Variants in ANO1 observed in about 807,000 individuals in gnomAD.
ANO1 encodes the protein anoctamin 1, also known as anoctamin-1.
Under a neutral mutation model 124.0 loss-of-function variants are expected in ANO1, and 59 were observed. That is an observed-to-expected ratio of 0.48 (90% confidence interval 0.39 to 0.59). The LOEUF is 0.59. ANO1 is among the 20% of genes least tolerant of loss of function. ANO1 has a pLI of 0.00. For synonymous variants in ANO1, 529 were observed against 532.0 expected (o/e 0.99, Z 0.08); for missense variants, 1,059 against 1,328.0 (o/e 0.80, Z 3.15).
intron 1 of ANO1, among the ~76,000 whole-genome samples, chr11:69,988,351 G>T (rs995940823): frequency 6.6e-6 from 1 of 152,128 alleles, no homozygotes; most frequent in Non-Finnish European, 1.5e-5. Context: ...CAGCTTTGCC[G>T]CCTGCAGCCC....
intron 1 of ANO1, among the ~76,000 whole-genome samples, chr11:70,027,394 G>A (rs1856925813): frequency 6.6e-6 from 1 of 152,212 alleles, no homozygotes; most frequent in Non-Finnish European, 1.5e-5. Flanking sequence ...TACTGGAAGT[G>A]AAAAACAGAA....
chr11:70,147,883 G>A (rs1221806690), intron 11 of ANO1, among the ~76,000 whole-genome samples: 3 of 152,270 alleles, frequency 2.0e-5, no homozygotes, highest in East Asian at 1.9e-4. Context: ...ACCATCCCCC[G>A]TGTGGCTTCT....
intron 11 of ANO1, among the ~76,000 whole-genome samples, chr11:70,140,321 C>T (rs1010348898): frequency 3.0e-4 from 45 of 152,084 alleles, no homozygotes; most frequent in African/African-American, 1.0e-3. Context: ...CCTGAGGTCA[C>T]GAGTACAAGA....
chr11:69,989,839 G>A (rs559676304), intron 1 of ANO1, among the ~76,000 whole-genome samples: 1 of 152,280 alleles, frequency 6.6e-6, no homozygotes, highest in South Asian at 2.1e-4. Context: ...GAATGTAGGG[G>A]CTGAGAGCAG....
At chr11:69,986,030 C>T (rs1856033129) in exon 1 of ANO1, 1 of 152,182 alleles carries the variant, frequency 6.6e-6, no homozygotes, top group African/African-American at 2.4e-5. Context: ...CCGCCGCAGA[C>T]CTCCAGGGGT....
At chr11:70,037,015 C>T (rs1169206813) in intron 1 of ANO1, among the ~76,000 whole-genome samples, 1 of 152,198 alleles carries the variant, frequency 6.6e-6, no homozygotes, top group Non-Finnish European at 1.5e-5. Context: ...GACTGTCACT[C>T]AATAAACATG....
rs555930929 is a variant in ANO1, at chr11:70,189,468, T to C, written c.*1464T>C. The C allele has an allele frequency of 3.3e-5, 5 of 152,796 alleles. No homozygotes were observed. Among genetic ancestry groups the C allele is most frequent in the Admixed American group, 6.5e-5 (1 of 15,310 alleles). The allele number at this position is 152,796 out of a possible 1,614,324, so 9.5% of individuals were successfully genotyped here. Reference sequence around the variant, plus strand: ...GGAAACCATTTTTTTAAAAAGTGAATGTACACAAATCCACAGAGGACTGTG... The same window carrying C: ...GGAAACCATTTTTTTAAAAAGTGAACGTACACAAATCCACAGAGGACTGTG... On this transcript the variant is annotated 3_prime_UTR_variant, in exon 26 of 26. Coordinates refer to ENST00000355303, the MANE Select transcript of ANO1 (RefSeq NM_018043.7).
chr11:70,051,764 T>C (rs1857352648), intron 1 of ANO1, among the ~76,000 whole-genome samples: 1 of 152,278 alleles, frequency 6.6e-6, no homozygotes, highest in Admixed American at 6.5e-5. Flanking sequence ...TATTCCTTTG[T>C]AAGAGTGGCT....
chr11:70,076,453 A>G (rs2044058526), upstream of ANO1, among the ~76,000 whole-genome samples: 3 of 151,632 alleles, frequency 2.0e-5, no homozygotes, highest in African/African-American at 7.3e-5. Flanking sequence ...TTTCATGCAA[A>G]CTGCACCTCA....
chr11:70,033,627 A>G (rs3898088), intron 1 of ANO1, among the ~76,000 whole-genome samples: 13,049 of 152,038 alleles, frequency 0.086, 839 homozygotes, highest in African/African-American at 0.15. Flanking sequence ...GCTTTGTTGG[A>G]TGGATGGCTG....
At chr11:70,150,329 G>A (rs554489254) in intron 12 of ANO1, among the ~76,000 whole-genome samples, 1 of 152,210 alleles carries the variant, frequency 6.6e-6, no homozygotes, top group Non-Finnish European at 1.5e-5. Flanking sequence ...ACTCCAGAGA[G>A]AGGGACATTC....
chr11:70,031,435 G>T (rs1351228221), intron 1 of ANO1, among the ~76,000 whole-genome samples: 1 of 152,140 alleles, frequency 6.6e-6, no homozygotes, highest in Non-Finnish European at 1.5e-5. Flanking sequence ...AAGTGGAAAG[G>T]CCCCGTGCCT....
chr11:70,044,037 A>T (rs564032281), intron 1 of ANO1, among the ~76,000 whole-genome samples: 1 of 150,246 alleles, frequency 6.7e-6, no homozygotes, highest in East Asian at 1.9e-4. Context: ...ATGTAATAGG[A>T]CAGTAGCACA....
intron 11 of ANO1, among the ~76,000 whole-genome samples, chr11:70,138,132 G>T (rs2047015232): frequency 6.8e-6 from 1 of 146,574 alleles, no homozygotes; most frequent in Non-Finnish European, 1.5e-5. Flanking sequence ...ATCACCTGAG[G>T]TCAGAAGCTC....
Position 70,167,392 on chromosome 11 carries a change from G to GA in ANO1, c.2197+5_2197+6insA. 1 of 1,609,386 alleles carries GA rather than the reference G, an allele frequency of 6.2e-7. No homozygotes were observed. The highest frequency in any genetic ancestry group is 8.5e-7 in the Non-Finnish European group (1 of 1,177,774). ...CCCCAGAGTACATGGAAATGAGTGA[G>GA]TGATGGCCGGGGCAGGCAGGTGACA... On this transcript the variant is annotated splice_donor_region_variant and intron_variant, in intron 21 of 25. Coordinates refer to ENST00000355303, the MANE Select transcript of ANO1 (RefSeq NM_018043.7).
intron 1 of ANO1, among the ~76,000 whole-genome samples, chr11:70,052,536 T>TTTTC (rs1565169345): frequency 2.5e-4 from 11 of 43,958 alleles, no homozygotes; most frequent in African/African-American, 1.0e-3. Context: ...CTTTTCTTTT[T>TTTTC]TTTTTTTTTT....
intron 1 of ANO1, among the ~76,000 whole-genome samples, chr11:70,041,905 A>T (rs1244037086): frequency 6.6e-6 from 1 of 152,114 alleles, no homozygotes; most frequent in African/African-American, 2.4e-5. Flanking sequence ...ATTTTTAAAA[A>T]TTTACCAACA....
chr11:70,006,100 G>A (rs72935892), intron 1 of ANO1, among the ~76,000 whole-genome samples: 19,980 of 152,026 alleles, frequency 0.13, 1,487 homozygotes, highest in Admixed American at 0.2. Context: ...GTGGAGACAC[G>A]CTCCGGTCCC....
the ANO1 span, among the ~76,000 whole-genome samples, chr11:69,980,618 C>CA: frequency 5.5e-3 from 724 of 132,660 alleles, 7 homozygotes; most frequent in African/African-American, 0.017. Flanking sequence ...AAGACTGTCT[C>CA]AAAAAAAAAA....
Sources: allele counts gnomAD v4.1 joint callset (sites outside exome capture counted in the v4.1 genomes callset), GRCh38; gene constraint gnomAD v4.1.1; transcripts MANE v1.5; gene names NCBI Gene and HGNC (gene_info 2026-07-23, HGNC 2026-07-21).